The following COL4A5 variants were observed in gnomAD, a reference collection of about 807,000 sequenced individuals.
COL4A5 encodes collagen type IV alpha 5 chain.
Under a neutral mutation model 130.2 loss-of-function variants are expected in COL4A5, and 26 were observed. The observed-to-expected ratio is 0.20, with a 90% CI of 0.15 to 0.28. COL4A5 has a LOEUF of 0.28. COL4A5 is among the 10% of genes least tolerant of loss of function. COL4A5 has a pLI of 1.00. For missense variants in COL4A5, 1,131 were observed against 1,344.3 expected (o/e 0.84, Z 2.48); for synonymous variants, 496 against 439.6 (o/e 1.13, Z -1.60).
intron 19 of COL4A5, among the ~76,000 whole-genome samples, chrX:108,587,629 T>G (rs1488292196): frequency 2.7e-5 from 3 of 111,801 alleles, no homozygotes; most frequent in Non-Finnish European, 5.7e-5. Flanking sequence ...CTTTTGAATA[T>G]ATACCCAGAC....
chrX:108,457,112 A>C (rs2064592227), intron 1 of COL4A5, among the ~76,000 whole-genome samples: 1 of 112,141 alleles, frequency 8.9e-6, no homozygotes, highest in Non-Finnish European at 1.9e-5. Context: ...GTACTGAGTC[A>C]GAGTGGAAAG....
At chrX:108,528,346 A>G (rs754999832) in intron 1 of COL4A5, among the ~76,000 whole-genome samples, 1 of 112,605 alleles carries the variant, frequency 8.9e-6, no homozygotes, top group South Asian at 3.7e-4. Flanking sequence ...TACACAGCCA[A>G]TATCTTAGAT....
chrX:108,660,374 T>C (rs1308425149), intron 37 of COL4A5, among the ~76,000 whole-genome samples: 1 of 111,662 alleles, frequency 9.0e-6, no homozygotes, highest in Non-Finnish European at 1.9e-5. Context: ...GTTGGTATCA[T>C]TCCCTAAAGC....
intron 1 of COL4A5, among the ~76,000 whole-genome samples, chrX:108,514,912 C>G (rs1195078822): frequency 9.0e-6 from 1 of 111,263 alleles, no homozygotes; most frequent in Non-Finnish European, 1.9e-5. Flanking sequence ...AAAGTGGAAA[C>G]TATGTGTTTA....
intron 37 of COL4A5, among the ~76,000 whole-genome samples, chrX:108,662,059 G>T (rs1040276165): frequency 2.1e-5 from 2 of 93,055 alleles, no homozygotes; most frequent in African/African-American, 4.0e-5. Context: ...ATCTCCTAAC[G>T]CTATCCCTCC....
At chrX:108,539,450 C>A (rs1197357831) in intron 1 of COL4A5, among the ~76,000 whole-genome samples, 4 of 111,508 alleles carry the variant, frequency 3.6e-5, no homozygotes, top group Non-Finnish European at 7.5e-5. Flanking sequence ...AGCTTTCCAT[C>A]TTTAGCCTTT....
At chrX:108,685,761 G>A (rs180740202) in intron 47 of COL4A5, among the ~76,000 whole-genome samples, 23 of 112,428 alleles carry the variant, frequency 2.0e-4, no homozygotes, top group Admixed American at 2.0e-3. Context: ...AATAGAAAAC[G>A]AAAGTTGGGA....
chrX:108,510,859 A>G (rs1214195703), intron 1 of COL4A5, among the ~76,000 whole-genome samples: 1 of 104,748 alleles, frequency 9.5e-6, no homozygotes, highest in Non-Finnish European at 1.9e-5. Context: ...TTATTTTTTA[A>G]TTGACAATAA....
At chrX:108,670,985 T>A (rs1243210707) in intron 42 of COL4A5, among the ~76,000 whole-genome samples, 2 of 111,045 alleles carry the variant, frequency 1.8e-5, no homozygotes, top group Non-Finnish European at 3.8e-5. Context: ...GAGGTTGCAG[T>A]GAGCTGAGAT....
At chrX:108,594,310 TCATTG>T (rs1246916945) in intron 21 of COL4A5, among the ~76,000 whole-genome samples, 51 of 111,616 alleles carry the variant, frequency 4.6e-4, no homozygotes, top group African/African-American at 1.5e-3. Flanking sequence ...CTGATCATTT[TCATTG>T]CAGTCACTTT....
intron 1 of COL4A5, among the ~76,000 whole-genome samples, chrX:108,523,230 G>T (rs2065281910): frequency 9.0e-6 from 1 of 111,519 alleles, no homozygotes; most frequent in Non-Finnish European, 1.9e-5. Flanking sequence ...TTTAGTTCTT[G>T]TGTTTAATCT....
intron 41 of COL4A5, among the ~76,000 whole-genome samples, chrX:108,668,986 A>G (rs761735140): frequency 8.9e-6 from 1 of 111,931 alleles, no homozygotes; most frequent in Non-Finnish European, 1.9e-5. Flanking sequence ...CACAATTAAA[A>G]AAATTATCTT....
chrX:108,515,796 C>T (rs763210708), intron 1 of COL4A5, among the ~76,000 whole-genome samples: 1 of 111,670 alleles, frequency 9.0e-6, no homozygotes, highest in Non-Finnish European at 1.9e-5. Flanking sequence ...GGCAGTGGTA[C>T]ATTTTTTCCC....
intron 29 of COL4A5, among the ~76,000 whole-genome samples, chrX:108,612,678 G>T (rs2066857734): frequency 9.0e-6 from 1 of 111,531 alleles, no homozygotes; most frequent in Non-Finnish European, 1.9e-5. Flanking sequence ...ATGGTATATT[G>T]TGTTCATGGA....
chrX:108,449,228 G>A (rs1345071140), intron 1 of COL4A5, among the ~76,000 whole-genome samples: 2 of 111,823 alleles, frequency 1.8e-5, no homozygotes, highest in East Asian at 2.8e-4. Context: ...TGGAAAATAT[G>A]TAAATAAACT....
intron 1 of COL4A5, among the ~76,000 whole-genome samples, chrX:108,523,953 T>C (rs976889613): frequency 1.8e-5 from 2 of 111,604 alleles, no homozygotes; most frequent in African/African-American, 6.5e-5. Context: ...TAAATTCATT[T>C]ATTTGCTCTA....
At chrX:108,451,777 T>A (rs1338095706) in intron 1 of COL4A5, among the ~76,000 whole-genome samples, 1 of 110,313 alleles carries the variant, frequency 9.1e-6, no homozygotes, top group Non-Finnish European at 1.9e-5. Flanking sequence ...TGCGAAAATT[T>A]TCTCCCATTT....
intron 29 of COL4A5, among the ~76,000 whole-genome samples, chrX:108,607,223 C>T (rs1264019657): frequency 9.3e-6 from 1 of 108,096 alleles, no homozygotes. Context: ...AAAAATTAGC[C>T]GGGCATGGTG....
chrX:108,536,200 T>C (rs936510993), intron 1 of COL4A5, among the ~76,000 whole-genome samples: 1 of 111,227 alleles, frequency 9.0e-6, no homozygotes, highest in African/African-American at 3.3e-5. Flanking sequence ...TCTAGCACCA[T>C]ATGTTGAAAA....
Sources: allele counts gnomAD v4.1 joint callset (sites outside exome capture counted in the v4.1 genomes callset), GRCh38; gene constraint gnomAD v4.1.1; transcripts MANE v1.5; gene names NCBI Gene and HGNC (gene_info 2026-07-23, HGNC 2026-07-21).